Variants in STARD9 observed in about 807,000 individuals in gnomAD.
STARD9 encodes stAR-related lipid transfer protein 9.
Under a neutral mutation model 399.8 loss-of-function variants are expected in STARD9, and 346 were observed. The observed-to-expected ratio is 0.87, with a 90% CI of 0.79 to 0.95. The LOEUF (loss-of-function observed/expected upper bound fraction) is 0.95. Ranked by LOEUF, STARD9 falls within the 40% of genes least tolerant of loss-of-function variation. The pLI is 0.00. For missense variants in STARD9, 5,832 were observed against 5,667.5 expected (o/e 1.03, Z -0.93); for synonymous variants, 2,203 against 2,143.5 (o/e 1.03, Z -0.77).
At chr15:42,578,786 C>T (rs930842237) in intron 1 of STARD9, among the ~76,000 whole-genome samples, 1 of 152,152 alleles carries the variant, frequency 6.6e-6, no homozygotes. Context: ...CCAGCTTATT[C>T]CTGAGAGACA....
rs1211551633 is a variant in STARD9, at chr15:42,675,690, C to G, written c.1714C>G (p.Gln572Glu). 9 of 1,537,062 alleles carry G rather than the reference C, an allele frequency of 5.9e-6. No homozygotes were observed. The highest frequency in any genetic ancestry group is 7.8e-6 in the Non-Finnish European group (9 of 1,146,850). The change falls in exon 19 of 33, where the codon CAG (glutamine) becomes GAG (glutamate). Residue 572 changes from glutamine (Q) to glutamate (E), a missense_variant. By Grantham distance (29) the Gln-to-Glu change is conservative. Coordinates refer to ENST00000290607, the MANE Select transcript of STARD9 (RefSeq NM_020759.3). Reference protein sequence around the residue: ...QGAVITLGKAQKFRFNHPAEA... With the variant: ...QGAVITLGKAEKFRFNHPAEA... ...AGCTGTCATAACCCTGGGGAAGGCA[C>G]AGAAGTTCCGATTCAACCACCCAGC...
chr15:42,675,480 C>T, intron 18 of STARD9, 184 bp from the exon 19 acceptor site: 1 of 583,630 alleles, frequency 1.7e-6, no homozygotes, highest in Non-Finnish European at 3.0e-6. Flanking sequence ...TAGAGTTCTT[C>T]CTGTCTGTCT....
intron 3 of STARD9, among the ~76,000 whole-genome samples, chr15:42,627,857 C>T (rs993376193): frequency 2.0e-5 from 3 of 152,160 alleles, no homozygotes; most frequent in African/African-American, 7.2e-5. Flanking sequence ...CTTCCAAATC[C>T]TCACTATTGT....
intron 9 of STARD9, among the ~76,000 whole-genome samples, chr15:42,658,057 C>T (rs989904205): frequency 8.5e-5 from 13 of 152,106 alleles, no homozygotes; most frequent in Admixed American, 2.0e-4. Flanking sequence ...CTTGATTAGG[C>T]GAAGGTTTTA....
intron 3 of STARD9, among the ~76,000 whole-genome samples, chr15:42,622,057 A>G (rs1555392584): frequency 6.6e-6 from 1 of 151,914 alleles, no homozygotes; most frequent in Non-Finnish European, 1.5e-5. Flanking sequence ...TGTTTCCTTG[A>G]CTCTACATTA....
chr15:42,622,837 T>C (rs2141859594), intron 3 of STARD9, among the ~76,000 whole-genome samples: 1 of 152,342 alleles, frequency 6.6e-6, no homozygotes. Flanking sequence ...TTATATTTTA[T>C]GGTGATACAG....
chr15:42,665,954 T>C, intron 15 of STARD9, 106 bp downstream of exon 15: 1 of 903,864 alleles, frequency 1.1e-6, no homozygotes, highest in Non-Finnish European at 1.7e-6. Context: ...AGAAGAGCTG[T>C]CTCATTTAAA....
rs763162221 is a variant in STARD9, at chr15:42,691,207, A to G, written c.9629A>G (p.Gln3210Arg). The change falls in exon 23 of 33, where the codon CAG (glutamine) becomes CGG (arginine). Residue 3210 changes from glutamine (Q) to arginine (R), a missense_variant. Coordinates refer to ENST00000290607, the MANE Select transcript of STARD9 (RefSeq NM_020759.3). ...AGCCCCCAGGAAGACAGTCCCTGGC[A>G]GGAAGAAGAGCAGCACAGAGACCAG... ...TCSPQEDSPW[Q>R]EEEQHRDQAS... The G allele has an allele frequency of 1.9e-5, 29 of 1,537,162 alleles. No individual in the cohort carries two copies. Among genetic ancestry groups the G allele is most frequent in the South Asian group, 7.1e-5 (6 of 84,066 alleles).
rs758570571 is a variant in STARD9, at chr15:42,588,776, G to GTTTTTT, written c.234+3173_234+3178dup. 6.2e-4 allele frequency among the ~76,000 whole-genome samples: 24 copies of GTTTTTT among 38,414 alleles called. 6 individuals are homozygous for GTTTTTT. The highest frequency in any genetic ancestry group is 3.1e-3 in the East Asian group (3 of 972). The allele number at this position is 38,414 out of a possible 152,430, so 25.2% of individuals were successfully genotyped here. A position where few individuals can be genotyped will look rare whatever the true frequency, so the allele number is the denominator to read the frequency against. On this transcript the variant is annotated intron_variant, in intron 3 of 32. Transcript: ENST00000290607. ...TAACCCAGTTTATCCTCTTCACAGC[G>GTTTTTT]TTTTTTTTTTTTTTTTTTTTTTTTT...
At chr15:42,680,754 A>G (rs2060411268) in intron 20 of STARD9, among the ~76,000 whole-genome samples, 2 of 152,212 alleles carry the variant, frequency 1.3e-5, no homozygotes, top group African/African-American at 4.8e-5. Context: ...AATTCTTGAC[A>G]TATTTCACCA....
Position 42,708,490 on chromosome 15 carries a change from GAA to G in STARD9, c.13285-8183_13285-8182del, listed in dbSNP as rs2061138095. On this transcript the variant is annotated intron_variant, in intron 26 of 32. Transcript: ENST00000290607. ...AATATTCAGTATCTAGCTCCCCACAGAAAAAGTTTTGCCAGCCTTTGGTTTAG... is the reference window on the plus strand; with the variant it reads ...AATATTCAGTATCTAGCTCCCCACAGAAAGTTTTGCCAGCCTTTGGTTTAG... Among the ~76,000 whole-genome samples the G allele has an allele frequency of 2.0e-5, 3 of 152,180 alleles. No homozygotes were observed. The South Asian group carries it at 6.2e-4, about 31-fold the overall frequency.
At position 42,692,634 on chromosome 15, in the gene STARD9, C is replaced by T; in HGVS notation, c.11056C>T (p.Gln3686Ter). Reference sequence around the variant, plus strand: ...GCACAATCTGTCTCTCCACCTCTCACAGCTCCTGCACAGTACCTCAGAGCT... The same window carrying T: ...GCACAATCTGTCTCTCCACCTCTCATAGCTCCTGCACAGTACCTCAGAGCT... Reference protein sequence around the residue: ...SMHNLSLHLSQLLHSTSELLG... With the variant: ...SMHNLSLHLS Residue 3686 changes from glutamine (Q) to a stop codon, truncating the protein, a stop_gained, in exon 23 of 33, where the codon CAG becomes TAG. Coordinates refer to ENST00000290607, the MANE Select transcript of STARD9 (RefSeq NM_020759.3). LOFTEE classifies it high-confidence loss of function. 6.5e-7 allele frequency: 1 copy of T among 1,537,208 alleles called. No individual in the cohort carries two copies. The highest frequency in any genetic ancestry group is 8.7e-7 in the Non-Finnish European group (1 of 1,146,916).
chr15:42,615,715 TA>T (rs869109037), intron 3 of STARD9, among the ~76,000 whole-genome samples: 2,502 of 140,168 alleles, frequency 0.018, 65 homozygotes, highest in African/African-American at 0.053. Flanking sequence ...AAAAGGAGAT[TA>T]AAAAAAAAAA....
chr15:42,585,722 A>G, intron 3 of STARD9, 85 bp downstream of exon 3: 1 of 860,200 alleles, frequency 1.2e-6, no homozygotes, highest in Non-Finnish European at 1.8e-6. Flanking sequence ...ATACTTTGCA[A>G]GGTTAGTATA....
chr15:42,687,223 C>T lies in STARD9; in HGVS notation c.5645C>T (p.Pro1882Leu). ...ATTTTAAATAAAAAACACAGTTTTCCAGCACTTGAGGGAGGAGAGGTCACT... is the reference window on the plus strand; with the variant it reads ...ATTTTAAATAAAAAACACAGTTTTCTAGCACTTGAGGGAGGAGAGGTCACT... Reference protein sequence around the residue: ...VVILNKKHSFPALEGGEVTAQ... With the variant: ...VVILNKKHSFLALEGGEVTAQ... Residue 1882 changes from proline (P) to leucine (L), a missense_variant, in exon 23 of 33, where the codon CCA becomes CTA. Physicochemically the swap from Pro to Leu is moderately conservative, Grantham distance 98. Around this residue, in one of 2 missense-constraint regions of STARD9, gnomAD observed 5,828 missense variants for 5,651.1 expected, o/e 1.03. Coordinates refer to ENST00000290607, the MANE Select transcript of STARD9 (RefSeq NM_020759.3). 6.5e-7 allele frequency: 1 copy of T among 1,537,232 alleles called. No individual in the cohort carries two copies. Among genetic ancestry groups the T allele is most frequent in the Non-Finnish European group, 8.7e-7 (1 of 1,146,958 alleles).
intron 10 of STARD9, 104 bp from the exon 11 acceptor site, chr15:42,662,690 C>G: frequency 1.5e-6 from 1 of 675,806 alleles, no homozygotes; most frequent in East Asian, 3.0e-5. Flanking sequence ...TATGTGAGTC[C>G]TTTACAGCAT....
In STARD9 at chr15:42,652,222, C is replaced by T. The variant is rs189150192; in HGVS notation, c.630-298C>T. Reference sequence around the variant, plus strand: ...TGGGCATGTTCTTCCAGGATGATGACGCTCTAGTCTTCATTTCCCTTTTCA... The same window carrying T: ...TGGGCATGTTCTTCCAGGATGATGATGCTCTAGTCTTCATTTCCCTTTTCA... On this transcript the variant is annotated intron_variant, in intron 8 of 32. Transcript: ENST00000290607. Among the ~76,000 whole-genome samples the T allele has an allele frequency of 1.6e-3, 244 of 152,052 alleles. 2 individuals are homozygous for T. The highest frequency in any genetic ancestry group is 1.3e-3 in the East Asian group (7 of 5,186).
chr15:42,671,204 C>T (rs2060196743), intron 16 of STARD9: 1 of 136,572 alleles, frequency 7.3e-6, no homozygotes, highest in Non-Finnish European at 1.5e-5. Context: ...GCGATCTTAG[C>T]TCACTGCAAC....
rs776031115 is a variant in STARD9 at position 42,687,995 on chromosome 15, G to A, written c.6417G>A (p.Gly2139=). The A allele has an allele frequency of 1.4e-5, 22 of 1,537,338 alleles. No individual in the cohort carries two copies. The highest frequency in any genetic ancestry group is 2.0e-5 in the Admixed American group (1 of 50,974). Residue 2139 remains glycine, a synonymous_variant, in exon 23 of 33, where the codon GGG becomes GGA. Transcript: ENST00000290607. ...GAGCGATGGAGGTTAACAGCATTGG[G>A]AACCATCCCCAGGTCCAGAAAATCA... is the stretch of plus-strand genomic sequence containing the variant. ...EAGAMEVNSI[G]NHPQVQKITP...
Sources: allele counts gnomAD v4.1 joint callset (sites outside exome capture counted in the v4.1 genomes callset), GRCh38; gene constraint gnomAD v4.1.1; regional missense constraint gnomAD v4.1.1; transcripts MANE v1.5; gene names NCBI Gene and HGNC (gene_info 2026-07-23, HGNC 2026-07-21).